Variants in CDH13 observed in about 807,000 individuals in gnomAD.
CDH13 encodes cadherin-13.
Under a neutral mutation model 63.8 loss-of-function variants are expected in CDH13, and 24 were observed. The observed-to-expected ratio is 0.38, with a 90% CI of 0.27 to 0.53. The LOEUF (loss-of-function observed/expected upper bound fraction) is 0.53, where lower values mean the gene tolerates loss of function less well. CDH13 is among the 20% of genes least tolerant of loss of function. CDH13 has a pLI of 0.85. For missense variants in CDH13, 1,049 were observed against 903.1 expected, an observed-to-expected ratio of 1.16 and a Z score of -2.07; for synonymous variants, 503 against 355.3, an observed-to-expected ratio of 1.42 and a Z score of -4.67.
chr16:83,248,728 C>T (rs1345353167), intron 5 of CDH13, among the ~76,000 whole-genome samples: 5 of 152,106 alleles, frequency 3.3e-5, no homozygotes, highest in African/African-American at 1.2e-4. Context: ...CCTTCCCTAT[C>T]TCATTATCTT....
At chr16:82,668,703 A>T (rs530670384) in intron 1 of CDH13, among the ~76,000 whole-genome samples, 26 of 152,230 alleles carry the variant, frequency 1.7e-4, no homozygotes, top group African/African-American at 6.0e-4. Flanking sequence ...TGTACACTAA[A>T]GTTTGGGAAT....
intron 5 of CDH13, among the ~76,000 whole-genome samples, chr16:83,338,019 T>G (rs1476533344): frequency 6.6e-6 from 1 of 151,946 alleles, no homozygotes; most frequent in Non-Finnish European, 1.5e-5. Context: ...CGGACCTAAG[T>G]TTGAGTTCAG....
intron 6 of CDH13, among the ~76,000 whole-genome samples, chr16:83,346,072 T>C (rs1019928164): frequency 6.6e-6 from 1 of 152,230 alleles, no homozygotes; most frequent in African/African-American, 2.4e-5. Flanking sequence ...TGGGTCTTTA[T>C]GCACTGCATC....
intron 1 of CDH13, among the ~76,000 whole-genome samples, chr16:82,693,464 G>A (rs974542626): frequency 1.3e-5 from 2 of 152,134 alleles, no homozygotes; most frequent in Admixed American, 6.5e-5. Context: ...CCCAGCTTGC[G>A]ACCTAAACAT....
chr16:83,594,576 G>C (rs188103427), intron 7 of CDH13, among the ~76,000 whole-genome samples: 1 of 152,248 alleles, frequency 6.6e-6, no homozygotes, highest in African/African-American at 2.4e-5. Context: ...CATTCGATAT[G>C]GAAAAAGTGG....
At position 83,783,245 on chromosome 16, in the gene CDH13, C is replaced by A. The variant is rs767870422; in HGVS notation, c.1916-9C>A. 18 of 1,604,772 alleles carry A rather than the reference C, an allele frequency of 1.1e-5. No individual in the cohort carries two copies. The East Asian group carries it at 4.0e-4, about 36-fold the overall frequency. ...TCCACTCTCACCAGAACCCTCCTTGCCTTTACAGATACACACGCCCTGGTA... is the reference window on the plus strand; with the variant it reads ...TCCACTCTCACCAGAACCCTCCTTGACTTTACAGATACACACGCCCTGGTA... On this transcript the variant is annotated splice_polypyrimidine_tract_variant and intron_variant, in intron 12 of 13. Transcript: ENST00000567109.
chr16:82,723,339 T>C (rs1006327261), intron 1 of CDH13, among the ~76,000 whole-genome samples: 5 of 152,230 alleles, frequency 3.3e-5, no homozygotes, highest in Non-Finnish European at 5.9e-5. Flanking sequence ...ACATATTTAT[T>C]GAACCTTTTT....
chr16:83,186,319 A>T (rs994484567), intron 4 of CDH13, among the ~76,000 whole-genome samples: 1 of 151,708 alleles, frequency 6.6e-6, no homozygotes, highest in Non-Finnish European at 1.5e-5. Context: ...TTGTACTTTT[A>T]GTAGAGATGG....
At chr16:83,740,305 GT>G (rs1369087375) in intron 10 of CDH13, among the ~76,000 whole-genome samples, 3 of 151,920 alleles carry the variant, frequency 2.0e-5, no homozygotes, top group African/African-American at 7.3e-5. Flanking sequence ...TTCACACTCT[GT>G]GATTTAACAC....
chr16:83,703,063 C>CA (rs1270350257), intron 10 of CDH13, among the ~76,000 whole-genome samples: 1 of 152,178 alleles, frequency 6.6e-6, no homozygotes, highest in East Asian at 1.9e-4. Context: ...GCAAGGCTAA[C>CA]AAGAGCGTTC....
intron 1 of CDH13, among the ~76,000 whole-genome samples, chr16:82,737,540 C>T (rs78428040): frequency 6.6e-6 from 1 of 152,180 alleles, no homozygotes; most frequent in African/African-American, 2.4e-5. Flanking sequence ...TCAACCACTG[C>T]CCCAACGGTC....
chr16:83,032,559 C>T (rs932889497), intron 3 of CDH13, among the ~76,000 whole-genome samples: 7 of 152,154 alleles, frequency 4.6e-5, no homozygotes, highest in East Asian at 1.9e-4. Context: ...AGTCACATCT[C>T]TCCCTGCCTC....
At chr16:82,720,055 C>G (rs556842434) in intron 1 of CDH13, among the ~76,000 whole-genome samples, 1 of 152,232 alleles carries the variant, frequency 6.6e-6, no homozygotes, top group Admixed American at 6.5e-5. Flanking sequence ...AGACCCAAAA[C>G]ACTTCTAATA....
rs773534653 is a variant in CDH13, at chr16:83,795,098, A to T, written c.*68A>T. The T allele has an allele frequency of 8.5e-6, 12 of 1,407,460 alleles. No individual in the cohort carries two copies. Among genetic ancestry groups the T allele is most frequent in the Non-Finnish European group, 1.2e-5 (12 of 1,027,224 alleles). 87.2% of individuals were successfully genotyped at this position (1,407,460 alleles called of 1,614,324 possible). A position where few individuals can be genotyped will look rare whatever the true frequency, so the allele number is the denominator to read the frequency against. ...AACAGGAAAAAAAAAAATCTATCCA[A>T]ATCTGAAGATTGCGGTTTACAGCTA... On this transcript the variant is annotated 3_prime_UTR_variant, in exon 14 of 14. Transcript: ENST00000567109.
At chr16:82,938,699 G>A (rs954283948) in intron 2 of CDH13, among the ~76,000 whole-genome samples, 10 of 152,176 alleles carry the variant, frequency 6.6e-5, no homozygotes, top group Non-Finnish European at 1.0e-4. Context: ...GGAAGCATCA[G>A]TACTGCACAC....
At chr16:83,296,024 G>A (rs991906214) in intron 5 of CDH13, among the ~76,000 whole-genome samples, 2 of 152,060 alleles carry the variant, frequency 1.3e-5, no homozygotes, top group African/African-American at 4.8e-5. Flanking sequence ...AATAAACTCT[G>A]GTCATTGAAT....
chr16:83,671,531 G>A (rs1356931348), intron 9 of CDH13, among the ~76,000 whole-genome samples: 3 of 152,124 alleles, frequency 2.0e-5, no homozygotes, highest in Non-Finnish European at 4.4e-5. Context: ...TTACAAGTGT[G>A]AGCCACCATG....
intron 1 of CDH13, among the ~76,000 whole-genome samples, chr16:82,830,168 C>T (rs777663086): frequency 1.3e-5 from 2 of 152,182 alleles, no homozygotes; most frequent in Non-Finnish European, 2.9e-5. Flanking sequence ...CCCATTCTGT[C>T]CACGTGTGAA....
At chr16:82,775,040 C>A (rs1359033833) in intron 1 of CDH13, among the ~76,000 whole-genome samples, 1 of 152,144 alleles carries the variant, frequency 6.6e-6, no homozygotes, top group Non-Finnish European at 1.5e-5. Flanking sequence ...TGTAATCCTC[C>A]CACGTGCTGG....
Sources: gnomAD v4.1 joint callset for allele counts (sites outside exome capture counted in the v4.1 genomes callset) on GRCh38, gnomAD v4.1.1 for gene constraint, MANE v1.5 for transcripts, NCBI Gene and HGNC (gene_info 2026-07-23, HGNC 2026-07-21) for gene names.